Variants in SDC4 observed in about 807,000 individuals in gnomAD.
The protein encoded by SDC4 is syndecan 4, also known as syndecan-4.
Under a neutral mutation model 20.5 loss-of-function variants are expected in SDC4, and 17 were observed. The ratio of observed to expected loss-of-function variants is 0.83; its 90% CI spans 0.57 to 1.25. SDC4 has a LOEUF of 1.25. SDC4 is among the 50% of genes most tolerant of loss of function. SDC4 has a pLI of 0.00. For synonymous variants in SDC4, 107 were observed against 105.3 expected (o/e 1.02, Z -0.10); for missense variants, 241 against 252.3 (o/e 0.96, Z 0.30).
At chr20:45,345,174 G>A (rs539406058) in intron 1 of SDC4, 1 of 152,322 alleles carries the variant, frequency 6.6e-6, no homozygotes, top group South Asian at 2.1e-4. Context: ...CAAACTAGGG[G>A]ACAGGTATTT....
intron 1 of SDC4, among the ~76,000 whole-genome samples, chr20:45,343,702 G>C (rs1987988874): frequency 6.6e-6 from 1 of 152,214 alleles, no homozygotes; most frequent in African/African-American, 2.4e-5. Flanking sequence ...AAGGGGGATG[G>C]AGAAAGCTTT....
At position 45,327,268 on chromosome 20, in the gene SDC4, G is replaced by T; in HGVS notation, c.593C>A (p.Ala198Glu). 1.2e-6 allele frequency: 2 copies of T among 1,614,154 alleles called. No homozygotes were observed. Among genetic ancestry groups the T allele is most frequent in the East Asian group, 2.2e-5 (1 of 44,878 alleles). Reference sequence around the variant, plus strand: ...GCCAGTGCCCACAAGCAAGCTTCACGCGTAGAACTCATTGGTGGGGGCTTT... The same window carrying T: ...GCCAGTGCCCACAAGCAAGCTTCACTCGTAGAACTCATTGGTGGGGGCTTT... Reference protein sequence around the residue: ...YKKAPTNEFYA With the variant: ...YKKAPTNEFYE Residue 198 changes from alanine to glutamate, a missense_variant, in exon 5 of 5, where the codon GCG (alanine) becomes GAG (glutamate). Physicochemically the swap from Ala to Glu is moderately radical, Grantham distance 107. Transcript: ENST00000372733.
chr20:45,339,247 AG>A, intron 1 of SDC4, among the ~76,000 whole-genome samples: 1 of 152,218 alleles, frequency 6.6e-6, no homozygotes, highest in Non-Finnish European at 1.5e-5. Context: ...GTGACTTTGA[AG>A]AACCAGGCCA....
chr20:45,336,067 CT>C (rs2145712340), intron 1 of SDC4, 147 bp from the exon 2 acceptor site: 1 of 720,946 alleles, frequency 1.4e-6, no homozygotes, highest in Non-Finnish European at 2.3e-6. Context: ...CACTCTACCT[CT>C]AACTCACCGC....
intron 2 of SDC4, among the ~76,000 whole-genome samples, 178 bp downstream of exon 2, chr20:45,335,604 C>T (rs1052139429): frequency 2.0e-5 from 3 of 152,020 alleles, no homozygotes; most frequent in Non-Finnish European, 4.4e-5. Context: ...CAGGGGCTCT[C>T]AGGGATGGAA....
intron 1 of SDC4, 106 bp from the exon 2 acceptor site, chr20:45,336,026 G>T: frequency 1.5e-6 from 2 of 1,295,534 alleles, no homozygotes; most frequent in Non-Finnish European, 2.1e-6. Context: ...AAGAGACCAG[G>T]CCAGGGCCTG....
At chr20:45,336,235 A>T (rs1987865121) in intron 1 of SDC4, among the ~76,000 whole-genome samples, 1 of 152,190 alleles carries the variant, frequency 6.6e-6, no homozygotes, top group Admixed American at 6.5e-5. Flanking sequence ...CAACATGGTG[A>T]AACCCCGTCT....
chr20:45,337,276 C>T (rs6017545), intron 1 of SDC4, among the ~76,000 whole-genome samples: 10,711 of 152,276 alleles, frequency 0.07, 1,294 homozygotes, highest in African/African-American at 0.24. Flanking sequence ...AATTCAAACA[C>T]TAAAGTGCCT....
At chr20:45,342,629 G>A (rs148318139) in intron 1 of SDC4, among the ~76,000 whole-genome samples, 5 of 152,126 alleles carry the variant, frequency 3.3e-5, no homozygotes, top group African/African-American at 4.8e-5. Context: ...GGTGGGGGCC[G>A]CTGAATAGGA....
chr20:45,346,505 G>A (rs75798327), intron 1 of SDC4, among the ~76,000 whole-genome samples: 17,292 of 152,288 alleles, frequency 0.11, 1,419 homozygotes, highest in Non-Finnish European at 0.18. Flanking sequence ...GCACCCTGAA[G>A]CACCTGAAGG....
intron 2 of SDC4, among the ~76,000 whole-genome samples, chr20:45,334,956 C>T (rs1174187412): frequency 6.6e-6 from 1 of 152,218 alleles, no homozygotes; most frequent in Non-Finnish European, 1.5e-5. Context: ...GGCTTGAACT[C>T]AGGACCATGT....
chr20:45,339,224 C>T (rs983320135), intron 1 of SDC4, among the ~76,000 whole-genome samples: 4 of 152,180 alleles, frequency 2.6e-5, no homozygotes, highest in African/African-American at 9.7e-5. Context: ...AGATAAAGCC[C>T]ATTGAGTCTG....
At chr20:45,335,972 A>C in intron 1 of SDC4, 52 bp from the exon 2 acceptor site, 8 of 1,585,152 alleles carry the variant, frequency 5.0e-6, no homozygotes, top group Non-Finnish European at 6.9e-6. Context: ...GCTCCATGAC[A>C]GCTGATGCCC....
intron 2 of SDC4, among the ~76,000 whole-genome samples, chr20:45,333,820 T>C (rs896783468): frequency 7.9e-5 from 12 of 152,354 alleles, no homozygotes; most frequent in Admixed American, 3.3e-4. Flanking sequence ...ATGAATTTCA[T>C]TTATTTTCAA....
intron 1 of SDC4, among the ~76,000 whole-genome samples, chr20:45,340,118 G>A (rs1031066119): frequency 3.3e-5 from 5 of 152,138 alleles, no homozygotes; most frequent in Non-Finnish European, 5.9e-5. Context: ...TGTCATTACA[G>A]TTATACTCCC....
chr20:45,342,346 A>G (rs1191691884), intron 1 of SDC4, among the ~76,000 whole-genome samples: 2 of 152,172 alleles, frequency 1.3e-5, no homozygotes, highest in Non-Finnish European at 2.9e-5. Flanking sequence ...GGCAAGGAGT[A>G]TCCCCACTCT....
rs938756594 is a variant in SDC4, at chr20:45,325,510, A to G, written c.*1754T>C. On this transcript the variant is annotated 3_prime_UTR_variant, in exon 5 of 5. Coordinates refer to ENST00000372733, the MANE Select transcript of SDC4 (RefSeq NM_002999.4). ...GAGGGTGGTTCCCCTCACCGCAGCC[A>G]CTGGGGTCAGGAGGAGACACGACCT... is the stretch of plus-strand genomic sequence containing the variant. 1 of 152,510 alleles carries G rather than the reference A, an allele frequency of 6.6e-6. No individual in the cohort carries two copies. The highest frequency in any genetic ancestry group is 1.5e-5 in the Non-Finnish European group (1 of 68,034). 9.4% of individuals were successfully genotyped at this position (152,510 alleles called of 1,614,324 possible).
intron 1 of SDC4, 124 bp downstream of exon 1, chr20:45,348,201 C>A: frequency 1.1e-6 from 1 of 937,244 alleles, no homozygotes. Flanking sequence ...TCCCGGGCCT[C>A]GGTGTCCGGT....
intron 2 of SDC4, among the ~76,000 whole-genome samples, chr20:45,334,492 A>T (rs980776677): frequency 1.3e-3 from 202 of 151,810 alleles, no homozygotes; most frequent in Non-Finnish European, 2.5e-3. Flanking sequence ...TTATTTTTTT[A>T]TTTTTATTTT....
Sources: gnomAD v4.1 joint callset for allele counts (sites outside exome capture counted in the v4.1 genomes callset) on GRCh38, gnomAD v4.1.1 for gene constraint, MANE v1.5 for transcripts, NCBI Gene and HGNC (gene_info 2026-07-23, HGNC 2026-07-21) for gene names.